Variants in DLC1 observed in about 807,000 individuals in gnomAD.
DLC1 encodes the protein rho GTPase-activating protein 7.
DLC1 carries 54 observed loss-of-function variants against 140.3 expected under a neutral mutation model. The observed-to-expected ratio is 0.38, with a 90% CI of 0.31 to 0.48. The LOEUF (loss-of-function observed/expected upper bound fraction) is 0.48, where lower values mean the gene tolerates loss of function less well. Among genes scored for constraint, DLC1 ranks in the 20% least tolerant of loss-of-function variants. The pLI, the probability that DLC1 is intolerant of heterozygous loss-of-function variation, is 0.96. For missense variants in DLC1, 2,536 were observed against 1,907.0 expected (o/e 1.33, Z -6.14); for synonymous variants, 986 against 728.1 (o/e 1.35, Z -5.70).
chr8:13,249,603 C>T (rs965798703), intron 5 of DLC1, among the ~76,000 whole-genome samples: 2 of 152,132 alleles, frequency 1.3e-5, no homozygotes, highest in Non-Finnish European at 2.9e-5. Context: ...TTTTCTTATT[C>T]CTTTCTCAGA....
chr8:13,171,676 C>G (rs543364347), intron 5 of DLC1, among the ~76,000 whole-genome samples: 1 of 152,320 alleles, frequency 6.6e-6, no homozygotes, highest in African/African-American at 2.4e-5. Flanking sequence ...GTGTGAACCA[C>G]CACGGCCGGC....
chr8:13,383,055 G>C (rs1586245557), intron 4 of DLC1, among the ~76,000 whole-genome samples: 1 of 152,172 alleles, frequency 6.6e-6, no homozygotes, highest in Non-Finnish European at 1.5e-5. Flanking sequence ...GACATCTTTG[G>C]ACCACCAAAG....
At chr8:13,462,048 T>C (rs1585149250) in intron 2 of DLC1, among the ~76,000 whole-genome samples, 4 of 152,244 alleles carry the variant, frequency 2.6e-5, no homozygotes, top group Admixed American at 1.3e-4. Flanking sequence ...GTATTACAAA[T>C]GGGATGGGCA....
At chr8:13,455,953 T>C (rs1799366254) in intron 2 of DLC1, among the ~76,000 whole-genome samples, 1 of 152,240 alleles carries the variant, frequency 6.6e-6, no homozygotes. Flanking sequence ...AAGTTCAGTC[T>C]GAAAGCCCCA....
At chr8:13,541,236 T>G (rs1171812866) in intron 1 of DLC1, among the ~76,000 whole-genome samples, 4 of 151,858 alleles carry the variant, frequency 2.6e-5, no homozygotes, top group Non-Finnish European at 5.9e-5. Context: ...AGTTTTTGGT[T>G]ATAACAAATA....
chr8:13,136,337 T>C (rs1457318182), intron 5 of DLC1, among the ~76,000 whole-genome samples: 1 of 152,140 alleles, frequency 6.6e-6, no homozygotes, highest in Non-Finnish European at 1.5e-5. Flanking sequence ...TTCCTCCCTC[T>C]CTCCCCACTC....
chr8:13,100,788 A>C lies in DLC1; in HGVS notation c.1567-18T>G. ...TCGTCACTCTGCAAAGACAGAAAGG[A>C]GCCATTCACACACTGGGGCTGGCAG... On this transcript the variant is annotated intron_variant, in intron 8 of 17. Coordinates refer to ENST00000276297, the MANE Select transcript of DLC1 (RefSeq NM_182643.3). The C allele has an allele frequency of 6.5e-7, 1 of 1,541,650 alleles. No homozygotes were observed. Among genetic ancestry groups the C allele is most frequent in the Non-Finnish European group, 8.7e-7 (1 of 1,146,178 alleles).
intron 5 of DLC1, among the ~76,000 whole-genome samples, chr8:13,270,527 A>T (rs1298575819): frequency 1.3e-5 from 2 of 152,172 alleles, no homozygotes; most frequent in Non-Finnish European, 2.9e-5. Flanking sequence ...CGTGCTTAGG[A>T]AAACTTTCAG....
chr8:13,442,649 A>C (rs1167250045), intron 2 of DLC1, among the ~76,000 whole-genome samples: 2 of 152,236 alleles, frequency 1.3e-5, no homozygotes, highest in Non-Finnish European at 1.5e-5. Flanking sequence ...TCAAAACCAC[A>C]ATGAGATACC....
chr8:13,445,612 G>A (rs1290218817), intron 2 of DLC1, among the ~76,000 whole-genome samples: 3 of 152,186 alleles, frequency 2.0e-5, no homozygotes, highest in African/African-American at 7.2e-5. Flanking sequence ...AGTAATGAGT[G>A]AGGACAAAAT....
At chr8:13,139,086 C>T (rs546241866) in intron 5 of DLC1, among the ~76,000 whole-genome samples, 1 of 151,682 alleles carries the variant, frequency 6.6e-6, no homozygotes, top group Admixed American at 6.6e-5. Context: ...AGTTTGAGAC[C>T]AGCCTGGGCA....
At chr8:13,552,581 T>C (rs1803904146) in intron 1 of DLC1, among the ~76,000 whole-genome samples, 1 of 151,498 alleles carries the variant, frequency 6.6e-6, no homozygotes, top group Non-Finnish European at 1.5e-5. Context: ...GGCAGTTATA[T>C]AAATGACTAA....
At chr8:13,137,605 T>G (rs79952989) in intron 5 of DLC1, among the ~76,000 whole-genome samples, 33 of 78,300 alleles carry the variant, frequency 4.2e-4, no homozygotes, top group South Asian at 1.4e-3. Flanking sequence ...TTGGTTTTGT[T>G]TTTTTTTTTT....
At chr8:13,339,481 C>A (rs1833944204) in intron 4 of DLC1, 1 of 152,190 alleles carries the variant, frequency 6.6e-6, no homozygotes, top group East Asian at 1.9e-4. Flanking sequence ...CACCAGGCAA[C>A]AGATTACAGG....
At chr8:13,114,761 T>C (rs952328179) in intron 6 of DLC1, among the ~76,000 whole-genome samples, 4 of 152,180 alleles carry the variant, frequency 2.6e-5, no homozygotes, top group Non-Finnish European at 4.4e-5. Flanking sequence ...TAAATGCTCA[T>C]TACCATGAAG....
At chr8:13,563,901 T>C (rs1372140699) in intron 1 of DLC1, among the ~76,000 whole-genome samples, 1 of 152,150 alleles carries the variant, frequency 6.6e-6, no homozygotes, top group African/African-American at 2.4e-5. Flanking sequence ...ATTTTATTAC[T>C]AACTGGAAAA....
chr8:13,510,159 T>C (rs531988834), intron 1 of DLC1, among the ~76,000 whole-genome samples: 1 of 125,316 alleles, frequency 8.0e-6, no homozygotes, highest in South Asian at 2.8e-4. Flanking sequence ...TGAAACACAA[T>C]TATTCTTTAT....
intron 2 of DLC1, among the ~76,000 whole-genome samples, chr8:13,432,559 T>G (rs1838927551): frequency 6.6e-6 from 1 of 152,186 alleles, no homozygotes; most frequent in Non-Finnish European, 1.5e-5. Context: ...AGAAAGGCAA[T>G]ACTCTAAATC....
chr8:13,542,384 C>G (rs1033861686), intron 1 of DLC1, among the ~76,000 whole-genome samples: 3 of 152,202 alleles, frequency 2.0e-5, no homozygotes, highest in African/African-American at 7.2e-5. Flanking sequence ...TCTGGGCACA[C>G]TGTTCTGTAC....
Sources: allele counts gnomAD v4.1 joint callset (sites outside exome capture counted in the v4.1 genomes callset), GRCh38; gene constraint gnomAD v4.1.1; transcripts MANE v1.5; gene names NCBI Gene and HGNC (gene_info 2026-07-23, HGNC 2026-07-21).